The following MARCHF1 variants were observed in gnomAD, a reference collection of about 807,000 sequenced individuals.
MARCHF1 encodes E3 ubiquitin-protein ligase MARCHF1.
In MARCHF1, 40 loss-of-function variants were observed where a neutral mutation model predicts 54.2. The observed-to-expected ratio is 0.74, with a 90% CI of 0.57 to 0.96. The LOEUF (loss-of-function observed/expected upper bound fraction) is 0.96, where lower values mean the gene tolerates loss of function less well. MARCHF1 is among the 40% of genes least tolerant of loss of function. The pLI, the probability that MARCHF1 is intolerant of heterozygous loss-of-function variation, is 0.00. For synonymous variants in MARCHF1, 236 were observed against 236.3 expected (o/e 1.00, Z 0.01); for missense variants, 586 against 656.5 (o/e 0.89, Z 1.17).
chr4:163,557,196 A>T (rs1378810856), intron 8 of MARCHF1, among the ~76,000 whole-genome samples: 1 of 152,158 alleles, frequency 6.6e-6, no homozygotes. Flanking sequence ...AACTGGCCAA[A>T]TTTCCTCATT....
At chr4:163,891,103 GA>G (rs1750651719) in intron 3 of MARCHF1, among the ~76,000 whole-genome samples, 1 of 151,986 alleles carries the variant, frequency 6.6e-6, no homozygotes, top group Non-Finnish European at 1.5e-5. Context: ...GTGAGGAGAG[GA>G]AAGGTCCCCA....
intron 2 of MARCHF1, among the ~76,000 whole-genome samples, chr4:164,035,930 T>TAAAAAAAAAAAAAA (rs35474146): frequency 8.6e-6 from 1 of 116,600 alleles, no homozygotes; most frequent in Non-Finnish European, 1.7e-5. Context: ...AAACTAAAAC[T>TAAAAAAAAAAAAAA]AAAAAAAAAA....
At chr4:163,986,152 A>G (rs962513870) in intron 3 of MARCHF1, among the ~76,000 whole-genome samples, 8 of 150,876 alleles carry the variant, frequency 5.3e-5, no homozygotes, top group Admixed American at 2.7e-4. Flanking sequence ...TTGAAACATT[A>G]TAAGTGCTTC....
chr4:163,908,969 A>T (rs1751131141), intron 3 of MARCHF1, among the ~76,000 whole-genome samples: 3 of 152,154 alleles, frequency 2.0e-5, no homozygotes, highest in African/African-American at 7.2e-5. Context: ...TTCAGTAATA[A>T]AATCAAGAGC....
At chr4:163,936,725 T>C (rs148520504) in intron 3 of MARCHF1, among the ~76,000 whole-genome samples, 170 of 152,342 alleles carry the variant, frequency 1.1e-3, no homozygotes, top group African/African-American at 3.9e-3. Flanking sequence ...CAACTGCAGT[T>C]TGATTGTGTG....
chr4:164,031,227 T>C (rs1209804755), intron 2 of MARCHF1, among the ~76,000 whole-genome samples: 1 of 152,164 alleles, frequency 6.6e-6, no homozygotes, highest in Non-Finnish European at 1.5e-5. Context: ...TTTGGGATGG[T>C]ATATGTGTCC....
chr4:163,825,407 C>T (rs1033938914), intron 4 of MARCHF1, among the ~76,000 whole-genome samples: 12 of 151,966 alleles, frequency 7.9e-5, no homozygotes, highest in African/African-American at 2.9e-4. Context: ...TGAACATACA[C>T]ATGTATGTGG....
chr4:164,186,048 A>G (rs1171091952), intron 1 of MARCHF1, among the ~76,000 whole-genome samples: 1 of 152,098 alleles, frequency 6.6e-6, no homozygotes, highest in Non-Finnish European at 1.5e-5. Flanking sequence ...GCCTGCCACC[A>G]CAACCAGCTA....
chr4:164,331,596 A>T (rs74679466), intron 1 of MARCHF1, among the ~76,000 whole-genome samples: 2,290 of 152,284 alleles, frequency 0.015, 82 homozygotes, highest in East Asian at 0.13. Context: ...GTGTGTCTTA[A>T]CACGTTGTTT....
In MARCHF1 at chr4:164,261,786, A is replaced by G. The variant is rs1217844131; in HGVS notation, c.-323+122084T>C. Among the ~76,000 whole-genome samples, 10 of 152,140 alleles carry G rather than the reference A, an allele frequency of 6.6e-5. No individual in the cohort carries two copies. The East Asian group carries it at 1.7e-3, about 26-fold the overall frequency. On this transcript the variant is annotated intron_variant, in intron 1 of 9. Transcript: ENST00000514618. Reference sequence around the variant, plus strand: ...ATTTTATTTTTTCATGGTTCCTATAACAACCTAATATATTCTCAGTTGATT... The same window carrying G: ...ATTTTATTTTTTCATGGTTCCTATAGCAACCTAATATATTCTCAGTTGATT...
At chr4:163,891,140 A>T (rs1277758038) in intron 3 of MARCHF1, among the ~76,000 whole-genome samples, 1 of 151,906 alleles carries the variant, frequency 6.6e-6, no homozygotes, top group African/African-American at 2.4e-5. Context: ...CAATTTTGAG[A>T]TCTCTATTGT....
intron 1 of MARCHF1, among the ~76,000 whole-genome samples, chr4:164,177,037 T>C (rs1201051266): frequency 2.2e-5 from 3 of 137,926 alleles, no homozygotes; most frequent in Non-Finnish European, 3.2e-5. Context: ...GCATGTTTCC[T>C]ATCCCCATGG....
At chr4:163,932,545 T>A in intron 3 of MARCHF1, 1 of 357,142 alleles carries the variant, frequency 2.8e-6, no homozygotes, top group South Asian at 2.3e-5. Context: ...ATGGAGCTGA[T>A]CCAGAAGGCT....
chr4:163,680,567 C>G (rs1285916245), intron 5 of MARCHF1, among the ~76,000 whole-genome samples: 2 of 152,210 alleles, frequency 1.3e-5, no homozygotes, highest in Admixed American at 1.3e-4. Flanking sequence ...GGTCGTCACT[C>G]TCTAGATTTG....
intron 5 of MARCHF1, among the ~76,000 whole-genome samples, chr4:163,677,650 A>G (rs551984948): frequency 1.3e-5 from 2 of 152,190 alleles, no homozygotes; most frequent in South Asian, 4.1e-4. Context: ...TTTTTCAGCA[A>G]CACTTTACAT....
At chr4:164,192,674 A>G (rs1416645688) in intron 1 of MARCHF1, among the ~76,000 whole-genome samples, 1 of 152,238 alleles carries the variant, frequency 6.6e-6, no homozygotes, top group East Asian at 1.9e-4. Flanking sequence ...CTGTAGTAAT[A>G]TTGGATTTCT....
Position 164,147,197 on chromosome 4 carries a change from A to G in MARCHF1, c.-322-35535T>C, listed in dbSNP as rs1046957503. ...AACAGGTGCTGGAGAGGATGTGGAG[A>G]AATAGGAACACTTTTACACTGTTGG... On this transcript the variant is annotated intron_variant, in intron 1 of 9. Transcript: ENST00000514618. 2.6e-5 allele frequency among the ~76,000 whole-genome samples: 4 copies of G among 151,262 alleles called. No homozygotes were observed. In the South Asian group the frequency reaches 8.3e-4, roughly 32 times the overall value.
At chr4:163,703,656 C>T (rs762511203) in intron 4 of MARCHF1, among the ~76,000 whole-genome samples, 1 of 152,062 alleles carries the variant, frequency 6.6e-6, no homozygotes, top group Non-Finnish European at 1.5e-5. Context: ...CCTAACAAGT[C>T]TGCGTGGAAT....
chr4:164,148,702 A>G (rs1288594818), intron 1 of MARCHF1, among the ~76,000 whole-genome samples: 1 of 152,150 alleles, frequency 6.6e-6, no homozygotes. Flanking sequence ...GTCCTTTAGA[A>G]AATTCTAGCT....
Sources: allele counts gnomAD v4.1 joint callset (sites outside exome capture counted in the v4.1 genomes callset), GRCh38; gene constraint gnomAD v4.1.1; transcripts MANE v1.5; gene names NCBI Gene and HGNC (gene_info 2026-07-23, HGNC 2026-07-21).